CFHR4: variants seen among roughly 807,000 people sequenced by gnomAD.
CFHR4 encodes complement factor H related 4, also known as complement factor H-related protein 4.
In CFHR4, 64 loss-of-function variants were observed where a neutral mutation model predicts 69.3. The ratio of observed to expected loss-of-function variants is 0.92; its 90% CI spans 0.76 to 1.14. The LOEUF is 1.14. Among genes scored for constraint, CFHR4 ranks in the 50% most tolerant of loss-of-function variants. The probability of loss-of-function intolerance (pLI) is 0.00; values close to 1 mark genes in which losing one functional copy is unlikely to be tolerated. For synonymous variants in CFHR4, 244 were observed against 237.0 expected (o/e 1.03, Z -0.27); for missense variants, 636 against 684.9 (o/e 0.93, Z 0.80).
chr1:196,903,734 T>C lies in CFHR4; in HGVS notation c.256+1119T>C, dbSNP rs1347704487. 3.3e-5 allele frequency among the ~76,000 whole-genome samples: 5 copies of C among 151,294 alleles called. 1 individual carries two copies. The East Asian group carries it at 9.7e-4, about 29-fold the overall frequency. ...ATGTCATGAAGATCACAAAATACAC[T>C]AAATACACATTAAAGTAACACTGCT... is the stretch of plus-strand genomic sequence containing the variant. On this transcript the variant is annotated intron_variant, in intron 2 of 9. Transcript: ENST00000608469.
intron 1 of CFHR4, among the ~76,000 whole-genome samples, chr1:196,891,220 C>A (rs1430075759): frequency 2.0e-5 from 3 of 151,442 alleles, no homozygotes; most frequent in South Asian, 4.2e-4. Context: ...CTACTGAACT[C>A]CAGCCTTGGC....
chr1:196,917,082 A>T (rs948023987), intron 9 of CFHR4, among the ~76,000 whole-genome samples: 1 of 151,636 alleles, frequency 6.6e-6, no homozygotes, highest in Non-Finnish European at 1.5e-5. Flanking sequence ...AGCTCTTAAA[A>T]TTTTTTGGAT....
intron 3 of CFHR4, among the ~76,000 whole-genome samples, chr1:196,906,491 T>C (rs962723130): frequency 1.8e-4 from 27 of 151,674 alleles, no homozygotes; most frequent in African/African-American, 6.6e-4. Flanking sequence ...ACTGAGTACA[T>C]AAATATGTAC....
chr1:196,897,861 G>A (rs1275448375), intron 1 of CFHR4, among the ~76,000 whole-genome samples: 1 of 151,206 alleles, frequency 6.6e-6, no homozygotes, highest in Admixed American at 6.6e-5. Flanking sequence ...GTCGGGGTGG[G>A]GCCTTTGACA....
rs923639764 is a variant in CFHR4, at chr1:196,907,469, G to T, written c.770G>T (p.Gly257Val). Residue 257 changes from glycine to valine, a missense_variant, in exon 5 of 10, where the codon GGA becomes GTA. This residue lies in a region of CFHR4 where 529 missense variants were observed against 533.2 expected (regional missense o/e 0.99). Transcript: ENST00000608469. ...TCTAAATATGTAACATGTAGTAATG[G>T]AGACTGGTCAGAACCACCAAGATGC... ...QGSKYVTCSNGDWSEPPRCIS... is the reference protein window; with the variant it reads ...QGSKYVTCSNVDWSEPPRCIS... The T allele has an allele frequency of 1.9e-6, 3 of 1,611,706 alleles. No individual in the cohort carries two copies. Among genetic ancestry groups the T allele is most frequent in the Non-Finnish European group, 2.5e-6 (3 of 1,178,938 alleles).
At chr1:196,902,899 G>T (rs918891235) in intron 2 of CFHR4, among the ~76,000 whole-genome samples, 1 of 151,400 alleles carries the variant, frequency 6.6e-6, no homozygotes, top group African/African-American at 2.4e-5. Flanking sequence ...AAAACATTTA[G>T]TAGTAGCTTT....
intron 1 of CFHR4, among the ~76,000 whole-genome samples, chr1:196,897,263 C>T (rs879215977): frequency 6.6e-6 from 1 of 151,568 alleles, no homozygotes; most frequent in Admixed American, 6.6e-5. Flanking sequence ...CGGGCAGGTG[C>T]AGAGGCCGGC....
intron 1 of CFHR4, among the ~76,000 whole-genome samples, chr1:196,898,370 C>CA (rs796082895): frequency 1.3e-5 from 2 of 150,732 alleles, no homozygotes; most frequent in African/African-American, 2.4e-5. Flanking sequence ...CTCTTAAACA[C>CA]AAAAAAAGGG....
At chr1:196,916,243 C>T (rs1366409909) in intron 9 of CFHR4, among the ~76,000 whole-genome samples, 1 of 151,420 alleles carries the variant, frequency 6.6e-6, no homozygotes, top group Non-Finnish European at 1.5e-5. Context: ...AACAAGAAAA[C>T]CTAAAAGAAA....
chr1:196,918,260 A>G lies in CFHR4; in HGVS notation c.1591A>G (p.Lys531Glu). The G allele has an allele frequency of 6.2e-7, 1 of 1,607,762 alleles. No homozygotes were observed. The highest frequency in any genetic ancestry group is 8.5e-7 in the Non-Finnish European group (1 of 1,175,610). Residue 531 changes from lysine to glutamate, a missense_variant, in exon 10 of 10, where the codon AAA (lysine) becomes GAA (glutamate). By Grantham distance (56) the Lys-to-Glu change is moderately conservative. Transcript: ENST00000608469. ...CATGAATAAAAATAACATACAGTTA[A>G]AAGGAAAAAGTGACATAAAATATTA... The part of the protein sequence containing the change: ...ENMNKNNIQL[K>E]GKSDIKYYAK...
rs190313530 is a variant in CFHR4, at chr1:196,907,516, T to C, written c.799+18T>C. 1.2e-3 allele frequency: 1,977 copies of C among 1,589,454 alleles called. 73 individuals carry two copies. The African/African-American group carries it at 0.024, about 19-fold the overall frequency. ...ATGCATATGTAAGTTCTTAATATTC[T>C]GGATCTGAGAAAATTAGAGTAATAA... On this transcript the variant is annotated intron_variant, in intron 5 of 9. Transcript: ENST00000608469.
intron 3 of CFHR4, among the ~76,000 whole-genome samples, chr1:196,906,326 G>A (rs772925772): frequency 1.3e-5 from 2 of 151,266 alleles, no homozygotes; most frequent in Non-Finnish European, 2.9e-5. Flanking sequence ...TGCTTATCAC[G>A]GGCTCTGCAA....
rs563124902 is a variant in CFHR4, at chr1:196,904,346, A to G, written c.257-762A>G. ...TTATTATAAACATGTATCATCTTTA[A>G]CATGATTTATTTTCCTTTCAGATAG... On this transcript the variant is annotated intron_variant, in intron 2 of 9. Transcript: ENST00000608469. Among the ~76,000 whole-genome samples, 6 of 151,722 alleles carry G rather than the reference A, an allele frequency of 4.0e-5. No individual in the cohort carries two copies. In the South Asian group the frequency reaches 8.3e-4, roughly 21 times the overall value.
At position 196,913,626 on chromosome 1, in the gene CFHR4, T is replaced by C. The variant is rs1658404998; in HGVS notation, c.1180+704T>C. ...AGTGGCAAAAGTTGATTTTTTTTCT[T>C]TCCTCTTTATATATTCACAAAGATT... On this transcript the variant is annotated intron_variant, in intron 7 of 9. Coordinates refer to ENST00000608469, the MANE Select transcript of CFHR4 (RefSeq NM_001201550.3). 2.0e-5 allele frequency among the ~76,000 whole-genome samples: 3 copies of C among 151,502 alleles called. No individual in the cohort carries two copies. In the South Asian group the frequency reaches 6.2e-4, roughly 31 times the overall value.
chr1:196,916,774 C>A (rs528138881), intron 9 of CFHR4, among the ~76,000 whole-genome samples: 3 of 151,404 alleles, frequency 2.0e-5, no homozygotes, highest in Non-Finnish European at 4.4e-5. Flanking sequence ...CCTCTTCTCA[C>A]AATCAAGAAC....
chr1:196,917,146 G>C (rs1466506458), intron 9 of CFHR4, among the ~76,000 whole-genome samples: 1 of 139,166 alleles, frequency 7.2e-6, no homozygotes, highest in African/African-American at 2.7e-5. Flanking sequence ...GTACTTGAAA[G>C]ATGTATTAAA....
At chr1:196,904,032 G>A (rs1047109918) in intron 2 of CFHR4, among the ~76,000 whole-genome samples, 2 of 151,522 alleles carry the variant, frequency 1.3e-5, no homozygotes, top group South Asian at 2.1e-4. Context: ...ATGATAATTA[G>A]GATACAATAG....
At chr1:196,917,485 T>C (rs1214523457) in intron 9 of CFHR4, among the ~76,000 whole-genome samples, 1 of 151,688 alleles carries the variant, frequency 6.6e-6, no homozygotes, top group Non-Finnish European at 1.5e-5. Flanking sequence ...GGAAGTAACA[T>C]TATCTTACTG....
rs757908026 is a variant in CFHR4, at chr1:196,907,036, TAGTA to T, written c.616+4_616+7del. 6 of 1,605,708 alleles carry T rather than the reference TAGTA, an allele frequency of 3.7e-6. No individual in the cohort carries two copies. The highest frequency in any genetic ancestry group is 1.7e-4 in the Middle Eastern group (1 of 6,040). ...GCTGGTCCCATTTGCCAACATGCTA[TAGTA>T]AGTATTTTATTCAAGTATTTCTTTT... On this transcript the variant is annotated splice_donor_variant and splice_donor_region_variant and coding_sequence_variant and intron_variant, in exon 4 of 10. Coordinates refer to ENST00000608469, the MANE Select transcript of CFHR4 (RefSeq NM_001201550.3). LOFTEE classifies it high-confidence loss of function.
Sources: allele counts gnomAD v4.1 joint callset (sites outside exome capture counted in the v4.1 genomes callset), GRCh38; gene constraint gnomAD v4.1.1; regional missense constraint gnomAD v4.1.1; transcripts MANE v1.5; gene names NCBI Gene and HGNC (gene_info 2026-07-23, HGNC 2026-07-21).